VWA8: variants seen among roughly 807,000 people sequenced by gnomAD.
VWA8 encodes the protein von Willebrand factor A domain-containing protein 8.
In VWA8, 221 loss-of-function variants were observed where a neutral mutation model predicts 241.5. The observed-to-expected ratio is 0.91, with a 90% CI of 0.82 to 1.02. The LOEUF (loss-of-function observed/expected upper bound fraction) is 1.02. Among genes scored for constraint, VWA8 ranks in the 50% least tolerant of loss-of-function variants. The pLI is 0.00. For missense variants in VWA8, 2,322 were observed against 2,328.7 expected, an observed-to-expected ratio of 1.00 and a Z score of 0.06; for synonymous variants, 852 against 827.1, an observed-to-expected ratio of 1.03 and a Z score of -0.52.
At chr13:41,748,005 T>A (rs1157969047) in intron 21 of VWA8, among the ~76,000 whole-genome samples, 1 of 152,184 alleles carries the variant, frequency 6.6e-6, no homozygotes, top group East Asian at 1.9e-4. Context: ...TTTGCCAGTA[T>A]TTTATTGAGG....
At chr13:41,812,628 T>G (rs546579182) in intron 16 of VWA8, among the ~76,000 whole-genome samples, 1 of 152,294 alleles carries the variant, frequency 6.6e-6, no homozygotes, top group East Asian at 1.9e-4. Context: ...AAAAATAATT[T>G]ATTTATCCTT....
At chr13:41,622,630 C>G (rs2044664653) in intron 37 of VWA8, among the ~76,000 whole-genome samples, 1 of 152,154 alleles carries the variant, frequency 6.6e-6, no homozygotes, top group Admixed American at 6.5e-5. Flanking sequence ...TCGTAAGAAT[C>G]ATTATCCCCT....
At chr13:41,733,134 G>C (rs1381835953) in intron 21 of VWA8, among the ~76,000 whole-genome samples, 3 of 152,028 alleles carry the variant, frequency 2.0e-5, no homozygotes, top group African/African-American at 7.3e-5. Flanking sequence ...TTCAGACCTG[G>C]ACGTTATACT....
chr13:41,861,792 G>A (rs1183525079), intron 12 of VWA8, among the ~76,000 whole-genome samples: 1 of 152,054 alleles, frequency 6.6e-6, no homozygotes, highest in Non-Finnish European at 1.5e-5. Context: ...ACTGCTGAAA[G>A]AAATCAGAGA....
intron 26 of VWA8, among the ~76,000 whole-genome samples, chr13:41,705,303 G>A (rs1032629072): frequency 6.6e-6 from 1 of 150,388 alleles, no homozygotes; most frequent in African/African-American, 2.4e-5. Flanking sequence ...GGGGGTCGGG[G>A]GAGGGTACTG....
At chr13:41,906,393 T>G (rs1875719179) in intron 4 of VWA8, among the ~76,000 whole-genome samples, 1 of 152,152 alleles carries the variant, frequency 6.6e-6, no homozygotes, top group Admixed American at 6.5e-5. Flanking sequence ...CTGGAAGTTT[T>G]CAATGTATAA....
At chr13:41,935,157 G>C (rs1300641528) in intron 2 of VWA8, among the ~76,000 whole-genome samples, 2 of 152,082 alleles carry the variant, frequency 1.3e-5, no homozygotes, top group Admixed American at 1.3e-4. Flanking sequence ...CAATATGATT[G>C]GTGACATACC....
chr13:41,887,173 TA>T, intron 6 of VWA8, 23 bp downstream of exon 6: 1 of 1,589,778 alleles, frequency 6.3e-7, no homozygotes, highest in Non-Finnish European at 8.5e-7. Context: ...GTTTAACAAA[TA>T]AATTATCCTT....
chr13:41,687,367 T>C lies in VWA8; in HGVS notation c.4131+1987A>G, dbSNP rs78481665. On this transcript the variant is annotated intron_variant, in intron 34 of 44. Coordinates refer to ENST00000379310, the MANE Select transcript of VWA8 (RefSeq NM_015058.2). ...GGATGATATTTGCTACAGATTCTTA[T>C]AGCTATTTGGTATTAGATTTTAAAA... Among the ~76,000 whole-genome samples, 605 of 152,338 alleles carry C rather than the reference T, an allele frequency of 4.0e-3. 2 individuals carry two copies. Among genetic ancestry groups the C allele is most frequent in the African/African-American group, 0.014 (576 of 41,592 alleles).
At chr13:41,607,617 A>T (rs893651656) in intron 39 of VWA8, among the ~76,000 whole-genome samples, 1 of 152,136 alleles carries the variant, frequency 6.6e-6, no homozygotes, top group African/African-American at 2.4e-5. Context: ...ATTAGAAACA[A>T]ATGTAGACAC....
At chr13:41,797,023 C>A (rs2137955714) in intron 17 of VWA8, among the ~76,000 whole-genome samples, 1 of 151,808 alleles carries the variant, frequency 6.6e-6, no homozygotes, top group African/African-American at 2.4e-5. Flanking sequence ...TACTGAAAAA[C>A]CGATTTTTTT....
chr13:41,893,502 G>C (rs1007755863), intron 4 of VWA8, among the ~76,000 whole-genome samples: 1 of 149,088 alleles, frequency 6.7e-6, no homozygotes, highest in Non-Finnish European at 1.5e-5. Flanking sequence ...TGACTTAGTA[G>C]TTTCTAAAGA....
intron 19 of VWA8, among the ~76,000 whole-genome samples, chr13:41,780,240 C>T (rs529892657): frequency 6.6e-6 from 1 of 152,226 alleles, no homozygotes; most frequent in East Asian, 1.9e-4. Flanking sequence ...CTCCTTAAAT[C>T]CTCTCATCTA....
chr13:41,770,901 C>CAAAAAAAAAAAAAAAAAAAA (rs71096541), intron 20 of VWA8, among the ~76,000 whole-genome samples: 1 of 98,386 alleles, frequency 1.0e-5, no homozygotes, highest in African/African-American at 4.1e-5. Context: ...CTTAAAATGA[C>CAAAAAAAAAAAAAAAAAAAA]AAAAAAAAAA....
chr13:41,958,991 C>G (rs1370631883), intron 1 of VWA8, among the ~76,000 whole-genome samples: 1 of 152,110 alleles, frequency 6.6e-6, no homozygotes, highest in African/African-American at 2.4e-5. Context: ...GTACAAAGAA[C>G]AATTGTTTTT....
At chr13:41,897,613 T>C (rs1461874344) in intron 4 of VWA8, among the ~76,000 whole-genome samples, 1 of 152,312 alleles carries the variant, frequency 6.6e-6, no homozygotes, top group Admixed American at 6.5e-5. Flanking sequence ...ACTTCAAGAA[T>C]GAAGCCGCAG....
intron 37 of VWA8, among the ~76,000 whole-genome samples, chr13:41,638,030 A>G (rs1248660430): frequency 6.6e-6 from 1 of 152,194 alleles, no homozygotes; most frequent in East Asian, 1.9e-4. Flanking sequence ...AAATGGTAAT[A>G]GGTACATTCG....
chr13:41,841,525 G>A (rs968997446), intron 12 of VWA8, among the ~76,000 whole-genome samples: 13 of 151,708 alleles, frequency 8.6e-5, no homozygotes, highest in South Asian at 6.2e-4. Flanking sequence ...GGTGGCTCAC[G>A]CCTGTAATCC....
At chr13:41,942,902 G>A (rs1415277587) in intron 2 of VWA8, among the ~76,000 whole-genome samples, 1 of 152,180 alleles carries the variant, frequency 6.6e-6, no homozygotes, top group Non-Finnish European at 1.5e-5. Context: ...GGCCTCTGGA[G>A]GCTGAGGGCA....
Sources: allele counts gnomAD v4.1 joint callset (sites outside exome capture counted in the v4.1 genomes callset), GRCh38; gene constraint gnomAD v4.1.1; transcripts MANE v1.5; gene names NCBI Gene and HGNC (gene_info 2026-07-23, HGNC 2026-07-21).